The following CD46 variants were observed in gnomAD, a reference collection of about 807,000 sequenced individuals.
CD46 encodes CD46 molecule.
Under a neutral mutation model 53.3 loss-of-function variants are expected in CD46, and 30 were observed. The observed-to-expected ratio is 0.56, with a 90% CI of 0.42 to 0.76. The LOEUF is 0.76. Among genes scored for constraint, CD46 ranks in the 30% least tolerant of loss-of-function variants. The probability of loss-of-function intolerance (pLI) is 0.00; values close to 1 mark genes in which losing one functional copy is unlikely to be tolerated. For synonymous variants in CD46, 142 were observed against 152.0 expected, an observed-to-expected ratio of 0.93 and a Z score of 0.48; for missense variants, 409 against 463.0, an observed-to-expected ratio of 0.88 and a Z score of 1.07.
chr1:207,754,385 AC>A (rs530959278), intron 1 of CD46, among the ~76,000 whole-genome samples: 4 of 149,836 alleles, frequency 2.7e-5, no homozygotes, highest in South Asian at 2.1e-4. Context: ...CCACCTCGCG[AC>A]CCCCCCATCT....
Position 207,752,337 on chromosome 1 carries a change from C to A in CD46, c.97+28C>A. The A allele has an allele frequency of 1.3e-6, 2 of 1,599,338 alleles. No individual in the cohort carries two copies. The highest frequency in any genetic ancestry group is 1.7e-6 in the Non-Finnish European group (2 of 1,166,928). ...AGGACCCCGGGGCGGGTTCGCGCGT[C>A]CGCGGCGAGACTAGAGCTCTCCTCA... is the stretch of plus-strand genomic sequence containing the variant. On this transcript the variant is annotated intron_variant, in intron 1 of 12. Coordinates refer to ENST00000367042, the MANE Select transcript of CD46 (RefSeq NM_172351.3). This position sits in a 1 kb window ranked among gnomAD's most constrained non-coding sequence, Gnocchi z 4.1.
chr1:207,779,335 T>C (rs896824631), intron 8 of CD46, among the ~76,000 whole-genome samples: 1 of 152,140 alleles, frequency 6.6e-6, no homozygotes, highest in Non-Finnish European at 1.5e-5. Context: ...TGTGTAATTA[T>C]ACATGTAGTT....
chr1:207,752,047 C>G (rs1229009879), upstream of CD46: 2 of 757,624 alleles, frequency 2.6e-6, no homozygotes, highest in African/African-American at 3.4e-5. The surrounding 1 kb of genome is among the most constrained non-coding windows in gnomAD (Gnocchi z 4.1). Context: ...GCACTTCCGC[C>G]CCGGGCGCGG....
At chr1:207,779,411 T>C (rs992877609) in intron 8 of CD46, among the ~76,000 whole-genome samples, 4 of 152,190 alleles carry the variant, frequency 2.6e-5, no homozygotes, top group Non-Finnish European at 5.9e-5. Context: ...TTTTTCCACT[T>C]ACACTCTTAG....
chr1:207,756,716 G>T, intron 1 of CD46, among the ~76,000 whole-genome samples: 1 of 152,218 alleles, frequency 6.6e-6, no homozygotes, highest in East Asian at 1.9e-4. Context: ...TTAGAAAAAT[G>T]TGGGGAAAGA....
At chr1:207,766,349 C>T (rs778720079) in intron 5 of CD46, among the ~76,000 whole-genome samples, 11 of 152,090 alleles carry the variant, frequency 7.2e-5, no homozygotes, top group Non-Finnish European at 1.6e-4. Flanking sequence ...TACAATTAGA[C>T]ACAACAAAAG....
chr1:207,771,279 G>C (rs1657481738), intron 8 of CD46, among the ~76,000 whole-genome samples: 2 of 152,106 alleles, frequency 1.3e-5, no homozygotes, highest in African/African-American at 4.8e-5. Context: ...TAAGTTCTTT[G>C]TAGATTCTGG....
chr1:207,776,571 G>A (rs1213425077), intron 8 of CD46, among the ~76,000 whole-genome samples: 1 of 152,140 alleles, frequency 6.6e-6, no homozygotes, highest in Non-Finnish European at 1.5e-5. Context: ...TTTAAATGAT[G>A]GGTGAAAAAT....
intron 9 of CD46, among the ~76,000 whole-genome samples, 183 bp from the exon 10 acceptor site, chr1:207,784,888 A>G (rs1231104449): frequency 6.6e-6 from 1 of 152,234 alleles, no homozygotes; most frequent in African/African-American, 2.4e-5. Context: ...AACTGCCTCC[A>G]TGATTCAATT....
At chr1:207,772,090 T>C (rs1657569287) in intron 8 of CD46, among the ~76,000 whole-genome samples, 1 of 152,236 alleles carries the variant, frequency 6.6e-6, no homozygotes, top group South Asian at 2.1e-4. Context: ...TGGTTTGTAG[T>C]TGTCTTTGAA....
In CD46 at chr1:207,793,549, T is replaced by C. The variant is rs1168712635; in HGVS notation, c.*72T>C. The C allele has an allele frequency of 1.2e-6, 2 of 1,614,064 alleles. No individual in the cohort carries two copies. Among genetic ancestry groups the C allele is most frequent in the South Asian group, 1.1e-5 (1 of 91,082 alleles). On this transcript the variant is annotated 3_prime_UTR_variant, in exon 13 of 13. Coordinates refer to ENST00000367042, the MANE Select transcript of CD46 (RefSeq NM_172351.3). ...CAGATGGTGGAGCTGAATATGCCAC[T>C]TACCAGACTAAATCAACCACTCCAG...
rs1397757624 is a variant in CD46 at position 207,783,148 on chromosome 1, A to G, written c.944-144A>G. The G allele has an allele frequency of 1.8e-5, 9 of 506,270 alleles. No individual in the cohort carries two copies. In the East Asian group the frequency reaches 1.9e-4, roughly 11 times the overall value. The allele number at this position is 506,270 out of a possible 1,614,324, so 31.4% of individuals were successfully genotyped here. A position where few individuals can be genotyped will look rare whatever the true frequency, so the allele number is the denominator to read the frequency against. ...TGATACTACTTTGAGAAACATTAAT[A>G]TAGTTTATAAGGAAAATTATATTTT... On this transcript the variant is annotated intron_variant, in intron 8 of 12. Coordinates refer to ENST00000367042, the MANE Select transcript of CD46 (RefSeq NM_172351.3).
intron 1 of CD46, among the ~76,000 whole-genome samples, chr1:207,753,084 G>A (rs1272669208): frequency 6.6e-6 from 1 of 151,500 alleles, no homozygotes; most frequent in Non-Finnish European, 1.5e-5. Flanking sequence ...TTGGGGGGTG[G>A]GTGGGCCATC....
At chr1:207,770,430 C>T (rs2102613208) in intron 8 of CD46, 68 bp downstream of exon 8, 1 of 1,164,036 alleles carries the variant, frequency 8.6e-7, no homozygotes, top group Non-Finnish European at 1.3e-6. Flanking sequence ...ATACTTTAAG[C>T]TCTAGGGTAT....
chr1:207,791,456 A>G (rs539862444), intron 12 of CD46, among the ~76,000 whole-genome samples: 2 of 152,364 alleles, frequency 1.3e-5, no homozygotes, highest in Admixed American at 6.5e-5. Flanking sequence ...GTGACAGTCA[A>G]TCTGATAACC....
At chr1:207,779,913 C>CTTTTTTTTTTTTTTTT (rs66758503) in intron 8 of CD46, among the ~76,000 whole-genome samples, 3,408 of 61,916 alleles carry the variant, frequency 0.055, 703 homozygotes, top group East Asian at 0.099. Context: ...AAAAGCAAGT[C>CTTTTTTTTTTTTTTTT]TTTTTTTTTT....
rs1571599744 is a variant in CD46 at position 207,762,623 on chromosome 1, A to G, written c.673+1177A>G. 5 of 152,206 alleles carry G rather than the reference A, an allele frequency of 3.3e-5. No homozygotes were observed. The South Asian group carries it at 1.0e-3, about 32-fold the overall frequency. 9.4% of individuals were successfully genotyped at this position (152,206 alleles called of 1,614,324 possible). On this transcript the variant is annotated intron_variant, in intron 5 of 12. Transcript: ENST00000367042. Reference sequence around the variant, plus strand: ...AAGACCCTGCCCTCCTGCAGCCGGCAGGGGCAGTCACTCCCGGACTTGTCC... The same window carrying G: ...AAGACCCTGCCCTCCTGCAGCCGGCGGGGGCAGTCACTCCCGGACTTGTCC...
intron 11 of CD46, among the ~76,000 whole-genome samples, chr1:207,787,688 G>C (rs575344548): frequency 1.3e-5 from 2 of 152,276 alleles, no homozygotes; most frequent in South Asian, 4.1e-4. Context: ...TATAAACTGC[G>C]TGGGAATCTT....
chr1:207,762,271 G>A (rs1337066657), intron 5 of CD46, among the ~76,000 whole-genome samples: 1 of 152,164 alleles, frequency 6.6e-6, no homozygotes, highest in Non-Finnish European at 1.5e-5. Flanking sequence ...CTAAAGCATT[G>A]CTTACAGGGG....
Sources: gnomAD v4.1 joint callset for allele counts (sites outside exome capture counted in the v4.1 genomes callset) on GRCh38, gnomAD v4.1.1 for gene constraint, Gnocchi (gnomAD v3.1) non-coding constraint, MANE v1.5 for transcripts, NCBI Gene and HGNC (gene_info 2026-07-23, HGNC 2026-07-21) for gene names.